Variants in FRMD3 observed in about 807,000 individuals in gnomAD.
FRMD3 encodes FERM domain-containing protein 3.
FRMD3 carries 33 observed loss-of-function variants against 70.2 expected under a neutral mutation model. The observed-to-expected ratio is 0.47, with a 90% CI of 0.36 to 0.63. The LOEUF is 0.63. FRMD3 is among the 20% of genes least tolerant of loss of function. The pLI, the probability that FRMD3 is intolerant of heterozygous loss-of-function variation, is 0.00. For synonymous variants in FRMD3, 279 were observed against 255.9 expected (o/e 1.09, Z -0.86); for missense variants, 632 against 711.4 (o/e 0.89, Z 1.27).
intron 10 of FRMD3, among the ~76,000 whole-genome samples, chr9:83,309,259 TACACACACACAC>T (rs3029557): frequency 4.0e-4 from 56 of 138,376 alleles, no homozygotes; most frequent in South Asian, 5.0e-4. Context: ...CTATTTGAAA[TACACACACACAC>T]ACACACACAC....
intron 5 of FRMD3, 116 bp from the exon 6 acceptor site, chr9:83,335,755 A>G (rs1231784359): frequency 1.3e-6 from 1 of 794,008 alleles, no homozygotes. Flanking sequence ...AACTCACCCA[A>G]AAATATGTAT....
intron 1 of FRMD3, chr9:83,467,549 CT>C (rs1370590819): frequency 1.6e-5 from 15 of 957,554 alleles, no homozygotes; most frequent in Non-Finnish European, 2.3e-5. Context: ...TGCATAGTAA[CT>C]CATGACATGC....
chr9:83,311,978 GAAAAAAAA>G lies in FRMD3; in HGVS notation c.685-11_685-4del, dbSNP rs200178795. On this transcript the variant is annotated splice_region_variant and splice_polypyrimidine_tract_variant and intron_variant, in intron 7 of 13. Coordinates refer to ENST00000304195, the MANE Select transcript of FRMD3 (RefSeq NM_174938.6). Reference sequence around the variant, plus strand: ...AATGTTGTTGTGCCTGTTGAATCCTGAAAAAAAAAAAAAAGAAAAAAGAAAAATCTGTT... The same window carrying G: ...AATGTTGTTGTGCCTGTTGAATCCTGAAAAAAGAAAAAAGAAAAATCTGTT... 1 of 1,326,506 alleles carries G rather than the reference GAAAAAAAA, an allele frequency of 7.5e-7. No individual in the cohort carries two copies. Among genetic ancestry groups the G allele is most frequent in the East Asian group, 2.5e-5 (1 of 39,798 alleles). The allele number at this position is 1,326,506 out of a possible 1,614,324, so 82.2% of individuals were successfully genotyped here. A position where few individuals can be genotyped will look rare whatever the true frequency, so the allele number is the denominator to read the frequency against.
the FRMD3 span, among the ~76,000 whole-genome samples, chr9:83,565,465 G>A: frequency 6.6e-6 from 1 of 152,142 alleles, no homozygotes; most frequent in Non-Finnish European, 1.5e-5. Context: ...TTCAAGGGTG[G>A]GGCATCCACC....
rs1045668195 is a variant in FRMD3, at chr9:83,512,403, A to C, written c.147+25682T>G. On this transcript the variant is annotated intron_variant, in intron 1 of 13. Transcript: ENST00000304195. ...GAACAAGTTAATGAACAACCATAAA[A>C]AGTGACAGATGGTAATGTGATGGAG... Among the ~76,000 whole-genome samples the C allele has an allele frequency of 5.9e-5, 9 of 152,170 alleles. No homozygotes were observed. In the East Asian group the frequency reaches 1.5e-3, roughly 26 times the overall value.
intron 1 of FRMD3, among the ~76,000 whole-genome samples, chr9:83,479,752 GAAGAAGA>G (rs1828515020): frequency 2.6e-5 from 2 of 76,096 alleles, no homozygotes; most frequent in African/African-American, 5.2e-5. Flanking sequence ...AAAGAAAAGA[GAAGAAGA>G]AGGGAGGGAG....
At position 83,244,749 on chromosome 9, in the gene FRMD3, C is replaced by T. The variant is rs575514007; in HGVS notation, c.*3169G>A. 4.5e-5 allele frequency: 44 copies of T among 985,176 alleles called. 1 individual carries two copies. In the South Asian group the frequency reaches 1.9e-3, roughly 42 times the overall value. The allele number at this position is 985,176 out of a possible 1,614,324, so 61.0% of individuals were successfully genotyped here. A position where few individuals can be genotyped will look rare whatever the true frequency, so the allele number is the denominator to read the frequency against. On this transcript the variant is annotated 3_prime_UTR_variant, in exon 14 of 14. Coordinates refer to ENST00000304195, the MANE Select transcript of FRMD3 (RefSeq NM_174938.6). Reference sequence around the variant, plus strand: ...AGGCTCCAATCACAGTAACATGGCCCCCATATCTCTAGTATTTCAATGAAA... The same window carrying T: ...AGGCTCCAATCACAGTAACATGGCCTCCATATCTCTAGTATTTCAATGAAA...
At chr9:83,370,291 A>AT (rs1187694025) in intron 3 of FRMD3, among the ~76,000 whole-genome samples, 1 of 152,232 alleles carries the variant, frequency 6.6e-6, no homozygotes, top group Non-Finnish European at 1.5e-5. Context: ...AAATTTTCTA[A>AT]TTTACAGTAA....
At chr9:83,403,395 A>C (rs576881916) in intron 1 of FRMD3, among the ~76,000 whole-genome samples, 6 of 152,194 alleles carry the variant, frequency 3.9e-5, no homozygotes, top group African/African-American at 1.4e-4. Context: ...TCGAACACGC[A>C]TGTGTGCTTG....
intron 12 of FRMD3, 101 bp downstream of exon 12, chr9:83,298,647 C>A: frequency 1.1e-6 from 1 of 875,670 alleles, no homozygotes; most frequent in Admixed American, 2.1e-5. Context: ...TGAGAATGTC[C>A]TTCTTTAATG....
downstream of FRMD3, among the ~76,000 whole-genome samples, chr9:83,243,873 C>CAGA (rs537720286): frequency 1.1e-3 from 171 of 152,182 alleles, 1 homozygote; most frequent in African/African-American, 3.9e-3. Flanking sequence ...CAAACCTAAG[C>CAGA]AGAAGACCTG....
chr9:83,572,835 C>A, the FRMD3 span, among the ~76,000 whole-genome samples: 1 of 152,160 alleles, frequency 6.6e-6, no homozygotes, highest in Non-Finnish European at 1.5e-5. Context: ...AATGAAAGCA[C>A]TTTCCATTTC....
intron 13 of FRMD3, among the ~76,000 whole-genome samples, chr9:83,274,747 T>C (rs1563988449): frequency 6.6e-6 from 1 of 152,134 alleles, no homozygotes; most frequent in Non-Finnish European, 1.5e-5. Flanking sequence ...ATGCAGTCAA[T>C]GGCCAGGTTC....
chr9:83,312,252 G>A (rs1011221081), intron 7 of FRMD3, among the ~76,000 whole-genome samples: 2 of 152,156 alleles, frequency 1.3e-5, no homozygotes, highest in Admixed American at 6.5e-5. Context: ...AAATCACTAT[G>A]TCTACTTCCC....
At chr9:83,579,849 T>C in the FRMD3 span, among the ~76,000 whole-genome samples, 1 of 151,992 alleles carries the variant, frequency 6.6e-6, no homozygotes, top group Non-Finnish European at 1.5e-5. Flanking sequence ...TGAAGAGACA[T>C]CTTTGCAACT....
At chr9:83,563,265 G>A in the FRMD3 span, among the ~76,000 whole-genome samples, 8 of 152,108 alleles carry the variant, frequency 5.3e-5, no homozygotes, top group African/African-American at 9.7e-5. Context: ...CACCTACTGC[G>A]TGTCTAAGAC....
At chr9:83,277,010 A>T (rs1587666726) in intron 13 of FRMD3, among the ~76,000 whole-genome samples, 1 of 152,166 alleles carries the variant, frequency 6.6e-6, no homozygotes, top group Admixed American at 6.5e-5. Flanking sequence ...ATTATCAAAT[A>T]TTTTTTAAAA....
At chr9:83,514,284 C>A (rs868476356) in intron 1 of FRMD3, among the ~76,000 whole-genome samples, 6 of 152,118 alleles carry the variant, frequency 3.9e-5, no homozygotes, top group African/African-American at 1.4e-4. Context: ...GGGAGAGGGA[C>A]GTCCACCATT....
At position 83,298,782 on chromosome 9, in the gene FRMD3, A is replaced by C; in HGVS notation, c.1036T>G (p.Ser346Ala). ...TCAGGAGGCTCCCTCTGGATCTTGG[A>C]ACTGGCCTCCACCACCTCTTTGGCA... ...KVAKEVVEAS[S>A]KIQREPPEVH... Residue 346 changes from serine (S) to alanine (A), a missense_variant, in exon 12 of 14, where the codon TCC becomes GCC. Coordinates refer to ENST00000304195, the MANE Select transcript of FRMD3 (RefSeq NM_174938.6). 1 of 1,614,256 alleles carries C rather than the reference A, an allele frequency of 6.2e-7. No homozygotes were observed. The highest frequency in any genetic ancestry group is 8.5e-7 in the Non-Finnish European group (1 of 1,180,040).
Sources: gnomAD v4.1 joint callset for allele counts (sites outside exome capture counted in the v4.1 genomes callset) on GRCh38, gnomAD v4.1.1 for gene constraint, MANE v1.5 for transcripts, NCBI Gene and HGNC (gene_info 2026-07-23, HGNC 2026-07-21) for gene names.